The following DSCAM variants were observed in gnomAD, a reference collection of about 807,000 sequenced individuals.
DSCAM encodes cell adhesion molecule DSCAM.
A neutral mutation model predicts 217.7 loss-of-function variants in DSCAM; 47 were observed. The observed-to-expected ratio is 0.22, with a 90% CI of 0.17 to 0.28. DSCAM has a LOEUF of 0.28. DSCAM is among the 10% of genes least tolerant of loss of function. The pLI, the probability that DSCAM is intolerant of heterozygous loss-of-function variation, is 1.00. For synonymous variants in DSCAM, 1,056 were observed against 1,015.3 expected, an observed-to-expected ratio of 1.04 and a Z score of -0.76; for missense variants, 2,080 against 2,618.3, an observed-to-expected ratio of 0.79 and a Z score of 4.49.
At chr21:40,688,604 A>C (rs1382712550) in intron 3 of DSCAM, among the ~76,000 whole-genome samples, 1 of 152,192 alleles carries the variant, frequency 6.6e-6, no homozygotes, top group Admixed American at 6.5e-5. Flanking sequence ...GGGAGGTAAG[A>C]ACACAATAGG....
Position 40,051,961 on chromosome 21 carries a change from T to C in DSCAM, c.5182A>G (p.Thr1728Ala). The C allele has an allele frequency of 5.0e-6, 8 of 1,612,418 alleles. No individual in the cohort carries two copies. The highest frequency in any genetic ancestry group is 1.1e-5 in the South Asian group (1 of 90,750). ...TTAAGCATTGTTGACCACTCACTCG[T>C]TCCCGGCCGAGCGTCTGAAACATCC... ...LVDVSDARPG[T>A]NPTTRRNAKA... Residue 1728 changes from threonine to alanine, a missense_variant, in exon 30 of 33, where the codon ACG becomes GCG. By Grantham distance (58) the Thr-to-Ala change is moderately conservative. Transcript: ENST00000400454.
intron 1 of DSCAM, among the ~76,000 whole-genome samples, chr21:40,783,666 C>T (rs998434762): frequency 3.3e-4 from 50 of 152,146 alleles, no homozygotes; most frequent in Non-Finnish European, 2.8e-4. Context: ...CAAAGAATCC[C>T]GAGCAATGGA....
At position 40,840,379 on chromosome 21, in the gene DSCAM, G is replaced by A. The variant is rs190997913; in HGVS notation, c.43+6240C>T. Among the ~76,000 whole-genome samples the A allele has an allele frequency of 1.3e-4, 20 of 152,154 alleles. No homozygotes were observed. In the East Asian group the frequency reaches 3.9e-3, roughly 29 times the overall value. Reference sequence around the variant, plus strand: ...AATGAATTCCCAAGAGCTGGGGGTGGCGGAGTGGGCGGGGAACCTAAATGT... The same window carrying A: ...AATGAATTCCCAAGAGCTGGGGGTGACGGAGTGGGCGGGGAACCTAAATGT... On this transcript the variant is annotated intron_variant, in intron 1 of 32. Transcript: ENST00000400454.
chr21:40,254,210 C>G (rs967187359), intron 11 of DSCAM, among the ~76,000 whole-genome samples: 3 of 152,130 alleles, frequency 2.0e-5, no homozygotes, highest in Non-Finnish European at 4.4e-5. Context: ...ATGACAGAGC[C>G]TTTGTTTTGC....
intron 32 of DSCAM, among the ~76,000 whole-genome samples, chr21:40,014,933 TTTG>T (rs1203656062): frequency 6.6e-6 from 1 of 152,192 alleles, no homozygotes; most frequent in Non-Finnish European, 1.5e-5. Flanking sequence ...CGTTGATATT[TTTG>T]TTGTTGGCCC....
intron 4 of DSCAM, among the ~76,000 whole-genome samples, chr21:40,354,800 G>A (rs1297009715): frequency 1.4e-5 from 2 of 139,470 alleles, no homozygotes; most frequent in African/African-American, 5.7e-5. Context: ...AGTGAGCCGA[G>A]ATAGCGCCAC....
At chr21:40,592,232 G>A (rs974746176) in intron 3 of DSCAM, among the ~76,000 whole-genome samples, 5 of 152,080 alleles carry the variant, frequency 3.3e-5, no homozygotes, top group African/African-American at 1.2e-4. Flanking sequence ...AATGCAATTA[G>A]TCTGTAAGGA....
chr21:40,107,401 A>G (rs569884818), intron 20 of DSCAM, among the ~76,000 whole-genome samples: 6 of 152,278 alleles, frequency 3.9e-5, no homozygotes, highest in South Asian at 4.2e-4. Flanking sequence ...AATATGATCA[A>G]TTTTACAGTA....
chr21:40,239,452 C>CA (rs1569017406), intron 11 of DSCAM, among the ~76,000 whole-genome samples: 1 of 151,516 alleles, frequency 6.6e-6, no homozygotes, highest in East Asian at 1.9e-4. Context: ...AAGAAGAAAT[C>CA]AAAAAAAGCA....
chr21:40,138,606 TGTGTGTGGTGA>T (rs1040229487), intron 18 of DSCAM, among the ~76,000 whole-genome samples: 20 of 127,500 alleles, frequency 1.6e-4, no homozygotes, highest in Middle Eastern at 6.2e-3. Context: ...GTAGGTGAGG[TGTGTGTGGTGA>T]GTGTGTGGTG....
intron 32 of DSCAM, among the ~76,000 whole-genome samples, chr21:40,035,818 T>C (rs2088610332): frequency 6.9e-6 from 1 of 144,690 alleles, no homozygotes. Context: ...AAACTATCTC[T>C]CAGACCACAG....
chr21:40,117,283 TTG>T (rs1157446380), intron 20 of DSCAM, among the ~76,000 whole-genome samples: 1 of 152,176 alleles, frequency 6.6e-6, no homozygotes, highest in African/African-American at 2.4e-5. Context: ...AATACCAGGT[TTG>T]CCAGTCTATG....
At chr21:40,504,202 A>G (rs1978890425) in intron 3 of DSCAM, among the ~76,000 whole-genome samples, 1 of 152,170 alleles carries the variant, frequency 6.6e-6, no homozygotes, top group Admixed American at 6.5e-5. Flanking sequence ...AGAAGAGAAA[A>G]GAGGAAGAAA....
intron 19 of DSCAM, among the ~76,000 whole-genome samples, chr21:40,133,069 C>G (rs2090170037): frequency 6.6e-6 from 1 of 152,204 alleles, no homozygotes; most frequent in African/African-American, 2.4e-5. Flanking sequence ...TGGGAAGGTT[C>G]TATGTGGGCA....
At chr21:40,444,240 G>A (rs987866802) in intron 3 of DSCAM, among the ~76,000 whole-genome samples, 8 of 152,076 alleles carry the variant, frequency 5.3e-5, no homozygotes, top group African/African-American at 1.9e-4. Flanking sequence ...AGGGTATGAG[G>A]TGTACACTTG....
intron 3 of DSCAM, among the ~76,000 whole-genome samples, chr21:40,523,433 C>A (rs1248029632): frequency 6.6e-6 from 1 of 152,146 alleles, no homozygotes; most frequent in Non-Finnish European, 1.5e-5. Context: ...GAGGAATGCA[C>A]CGGCCTAAGA....
intron 3 of DSCAM, among the ~76,000 whole-genome samples, chr21:40,607,365 C>A (rs2089253953): frequency 6.7e-6 from 1 of 150,266 alleles, no homozygotes; most frequent in Non-Finnish European, 1.5e-5. Flanking sequence ...TATTTGGATC[C>A]AAATTTCATA....
intron 3 of DSCAM, among the ~76,000 whole-genome samples, chr21:40,563,972 G>A (rs1907713651): frequency 6.6e-6 from 1 of 152,204 alleles, no homozygotes. Flanking sequence ...GGCAGAGTGA[G>A]AGCAGAGCTG....
At chr21:40,166,855 G>T (rs981103978) in intron 16 of DSCAM, among the ~76,000 whole-genome samples, 1 of 152,110 alleles carries the variant, frequency 6.6e-6, no homozygotes, top group Non-Finnish European at 1.5e-5. Context: ...GTCTGCCACC[G>T]CATGCTTTGC....
Sources: allele counts gnomAD v4.1 joint callset (sites outside exome capture counted in the v4.1 genomes callset), GRCh38; gene constraint gnomAD v4.1.1; transcripts MANE v1.5; gene names NCBI Gene and HGNC (gene_info 2026-07-23, HGNC 2026-07-21).